The following ZNF488 variants were observed in gnomAD, a reference collection of about 807,000 sequenced individuals.
The protein encoded by ZNF488 is zinc finger protein 488.
ZNF488 carries 1 observed loss-of-function variant against 1.2 expected under a neutral mutation model. That is an observed-to-expected ratio of 0.86 (90% confidence interval 0.30 to 4.07). ZNF488 has a LOEUF of 4.07. ZNF488 is among the 30% of genes most tolerant of loss of function. The pLI is 0.18. For synonymous variants in ZNF488, 185 were observed against 190.1 expected (o/e 0.97, Z 0.22); for missense variants, 450 against 437.9 (o/e 1.03, Z -0.25).
At chr10:47,374,737 T>C (rs1837612751) in intron 1 of ZNF488, among the ~76,000 whole-genome samples, 1 of 152,002 alleles carries the variant, frequency 6.6e-6, no homozygotes, top group Non-Finnish European at 1.5e-5. Flanking sequence ...TCCTACAAAG[T>C]CCACCACAGC....
intron 1 of ZNF488, among the ~76,000 whole-genome samples, chr10:47,376,778 T>C (rs1367075704): frequency 1.3e-5 from 2 of 152,210 alleles, no homozygotes; most frequent in Non-Finnish European, 2.9e-5. Flanking sequence ...GAGGAGCCTG[T>C]GGCCAAACTC....
At position 47,365,593 on chromosome 10, in the gene ZNF488, G is replaced by C. The variant is rs1555212684; in HGVS notation, c.*2214C>G. On this transcript the variant is annotated 3_prime_UTR_variant, in exon 2 of 2. Transcript: ENST00000585316. ...ACAAACCAATCTCTGTTCCCAAGGAGCTGACAGTGTGGAGGCAGCAAATCA... is the reference window on the plus strand; with the variant it reads ...ACAAACCAATCTCTGTTCCCAAGGACCTGACAGTGTGGAGGCAGCAAATCA... 2 of 167,180 alleles carry C rather than the reference G, an allele frequency of 1.2e-5. No homozygotes were observed. Among genetic ancestry groups the C allele is most frequent in the East Asian group, 3.8e-4 (2 of 5,196 alleles). 10.4% of individuals were successfully genotyped at this position (167,180 alleles called of 1,614,324 possible). A position where few individuals can be genotyped will look rare whatever the true frequency, so the allele number is the denominator to read the frequency against.
rs1837211927 is a variant in ZNF488, at chr10:47,366,237, G to A, written c.*1570C>T. 6.0e-6 allele frequency: 1 copy of A among 167,154 alleles called. No individual in the cohort carries two copies. Among genetic ancestry groups the A allele is most frequent in the Non-Finnish European group, 1.5e-5 (1 of 68,200 alleles). 10.4% of individuals were successfully genotyped at this position (167,154 alleles called of 1,614,324 possible). ...TGGGGTTAGGCCTGTAAGTGTGAAG[G>A]GCAGCCACAGGGTTGGAGGCATCAT... On this transcript the variant is annotated 3_prime_UTR_variant, in exon 2 of 2. Coordinates refer to ENST00000585316, the MANE Select transcript of ZNF488 (RefSeq NM_153034.4).
chr10:47,366,287 T>G lies in ZNF488; in HGVS notation c.*1520A>C, dbSNP rs1163537232. Reference sequence around the variant, plus strand: ...TCTGAGTTACACTTTCAGAAGATTATCTGGTTGTGTGTGTGTGGACAATGG... The same window carrying G: ...TCTGAGTTACACTTTCAGAAGATTAGCTGGTTGTGTGTGTGTGGACAATGG... On this transcript the variant is annotated 3_prime_UTR_variant, in exon 2 of 2. Transcript: ENST00000585316. The G allele has an allele frequency of 2.4e-5, 4 of 167,240 alleles. No homozygotes were observed. Among genetic ancestry groups the G allele is most frequent in the Non-Finnish European group, 5.9e-5 (4 of 68,252 alleles). 10.4% of individuals were successfully genotyped at this position (167,240 alleles called of 1,614,324 possible).
intron 1 of ZNF488, among the ~76,000 whole-genome samples, chr10:47,374,046 G>A (rs574453269): frequency 2.5e-4 from 38 of 152,296 alleles, no homozygotes; most frequent in African/African-American, 8.4e-4. Context: ...GAGAAACAGC[G>A]TGGGGTGGGC....
At chr10:47,373,830 A>G (rs1276588634) in intron 1 of ZNF488, among the ~76,000 whole-genome samples, 1 of 152,256 alleles carries the variant, frequency 6.6e-6, no homozygotes, top group East Asian at 1.9e-4. Context: ...TTAACTGAAT[A>G]AACGCAGGCA....
In ZNF488 at chr10:47,371,709, G is replaced by A. The variant is rs537096707; in HGVS notation, c.-108-2772C>T. Among the ~76,000 whole-genome samples the A allele has an allele frequency of 7.2e-5, 11 of 152,190 alleles. No individual in the cohort carries two copies. In the East Asian group the frequency reaches 2.1e-3, roughly 29 times the overall value. ...TTCTGTAAGGGATTCTCACGGCCCAGTGGAGCTGAAGCCTCTGTGACTTCA... is the reference window on the plus strand; with the variant it reads ...TTCTGTAAGGGATTCTCACGGCCCAATGGAGCTGAAGCCTCTGTGACTTCA... On this transcript the variant is annotated intron_variant, in intron 1 of 1. Coordinates refer to ENST00000585316, the MANE Select transcript of ZNF488 (RefSeq NM_153034.4).
chr10:47,373,755 A>T (rs1837567186), intron 1 of ZNF488, among the ~76,000 whole-genome samples: 1 of 152,260 alleles, frequency 6.6e-6, no homozygotes, highest in African/African-American at 2.4e-5. Flanking sequence ...AGTCTTCCAT[A>T]GACGGAACAT....
rs191592951 is a variant in ZNF488 at position 47,377,035 on chromosome 10, C to T, written c.-109+7185G>A. Among the ~76,000 whole-genome samples, 178 of 152,334 alleles carry T rather than the reference C, an allele frequency of 1.2e-3. 3 individuals are homozygous for T. In the East Asian group the frequency reaches 0.027, roughly 23 times the overall value. ...CCTGCCTGGCCATAGTCAGTGTTGCCGCTATCACCTACTGGACTGTTGGTC... is the reference window on the plus strand; with the variant it reads ...CCTGCCTGGCCATAGTCAGTGTTGCTGCTATCACCTACTGGACTGTTGGTC... On this transcript the variant is annotated intron_variant, in intron 1 of 1. Transcript: ENST00000585316.
intron 1 of ZNF488, among the ~76,000 whole-genome samples, chr10:47,381,893 G>A (rs139223226): frequency 3.1e-5 from 2 of 64,662 alleles, no homozygotes; most frequent in East Asian, 5.0e-4. Context: ...AGAACAGGGA[G>A]CAGTGTTCTG....
At chr10:47,377,182 G>A (rs1837710155) in intron 1 of ZNF488, among the ~76,000 whole-genome samples, 1 of 152,208 alleles carries the variant, frequency 6.6e-6, no homozygotes, top group African/African-American at 2.4e-5. Flanking sequence ...TGACAGGAAA[G>A]GAGGAATACG....
rs1324862372 is a variant in ZNF488, at chr10:47,366,527, T to C, written c.*1280A>G. The C allele has an allele frequency of 1.2e-5, 2 of 166,898 alleles. No individual in the cohort carries two copies. Among genetic ancestry groups the C allele is most frequent in the Non-Finnish European group, 2.9e-5 (2 of 68,126 alleles). 10.3% of individuals were successfully genotyped at this position (166,898 alleles called of 1,614,324 possible). A position where few individuals can be genotyped will look rare whatever the true frequency, so the allele number is the denominator to read the frequency against. ...TCATTGGAGGGCTGGAAACTGCATA[T>C]CAAAAGAACAATATCTGACAGTGAG... On this transcript the variant is annotated 3_prime_UTR_variant, in exon 2 of 2. Coordinates refer to ENST00000585316, the MANE Select transcript of ZNF488 (RefSeq NM_153034.4).
In ZNF488 at chr10:47,366,875, A is replaced by G. The variant is rs1368540855; in HGVS notation, c.*932T>C. 1 of 167,048 alleles carries G rather than the reference A, an allele frequency of 6.0e-6. No individual in the cohort carries two copies. Among genetic ancestry groups the G allele is most frequent in the Non-Finnish European group, 1.5e-5 (1 of 68,120 alleles). The allele number at this position is 167,048 out of a possible 1,614,324, so 10.3% of individuals were successfully genotyped here. On this transcript the variant is annotated 3_prime_UTR_variant, in exon 2 of 2. Coordinates refer to ENST00000585316, the MANE Select transcript of ZNF488 (RefSeq NM_153034.4). ...ATACTCACAATGTGAAGAACTATGG[A>G]CCAGGTATTGGCTGGAATTACCTGT...
intron 1 of ZNF488, among the ~76,000 whole-genome samples, chr10:47,381,889 G>C (rs1385954377): frequency 2.7e-5 from 2 of 73,534 alleles, no homozygotes; most frequent in African/African-American, 9.2e-5. Context: ...ACATAGAACA[G>C]GGAGCAGTGT....
At chr10:47,380,347 C>T (rs1433557887) in intron 1 of ZNF488, among the ~76,000 whole-genome samples, 1 of 152,290 alleles carries the variant, frequency 6.6e-6, no homozygotes, top group African/African-American at 2.4e-5. Context: ...TCACCCACCA[C>T]TTTCAGAGCC....
At position 47,367,686 on chromosome 10, in the gene ZNF488, A is replaced by G. The variant is rs1340863373; in HGVS notation, c.*121T>C. 3 of 1,147,972 alleles carry G rather than the reference A, an allele frequency of 2.6e-6. No homozygotes were observed. The Admixed American group carries it at 7.9e-5, about 30-fold the overall frequency. 71.1% of individuals were successfully genotyped at this position (1,147,972 alleles called of 1,614,324 possible). ...CAAATTATGCCTGAGCTGTTTATCT[A>G]TGAATGCCAAAAGCAGCAGCTCTGC... On this transcript the variant is annotated 3_prime_UTR_variant, in exon 2 of 2. Coordinates refer to ENST00000585316, the MANE Select transcript of ZNF488 (RefSeq NM_153034.4).
intron 1 of ZNF488, among the ~76,000 whole-genome samples, chr10:47,375,540 G>A (rs1837648072): frequency 1.3e-5 from 2 of 152,198 alleles, no homozygotes; most frequent in Admixed American, 1.3e-4. Flanking sequence ...AGATTAAACT[G>A]AAATTTTTGT....
chr10:47,366,038 T>C lies in ZNF488; in HGVS notation c.*1769A>G, dbSNP rs919998196. The C allele has an allele frequency of 6.0e-6, 1 of 166,962 alleles. No individual in the cohort carries two copies. The highest frequency in any genetic ancestry group is 2.4e-5 in the African/African-American group (1 of 41,434). 10.3% of individuals were successfully genotyped at this position (166,962 alleles called of 1,614,324 possible). A position where few individuals can be genotyped will look rare whatever the true frequency, so the allele number is the denominator to read the frequency against. On this transcript the variant is annotated 3_prime_UTR_variant, in exon 2 of 2. Coordinates refer to ENST00000585316, the MANE Select transcript of ZNF488 (RefSeq NM_153034.4). ...TATAGCATCATCTGCAATTGACTCA[T>C]TGTAGAAATGGAAAGGAAACAGCTC...
In ZNF488 at chr10:47,367,640, A is replaced by G; in HGVS notation, c.*167T>C. On this transcript the variant is annotated 3_prime_UTR_variant, in exon 2 of 2. Coordinates refer to ENST00000585316, the MANE Select transcript of ZNF488 (RefSeq NM_153034.4). ...CAGGACTTCATTTCCTTCAAAACAC[A>G]TCATGCAGGTGTGGCTTTTTCAAAT... 2 of 762,000 alleles carry G rather than the reference A, an allele frequency of 2.6e-6. No individual in the cohort carries two copies. Among genetic ancestry groups the G allele is most frequent in the Non-Finnish European group, 4.2e-6 (2 of 473,324 alleles). 47.2% of individuals were successfully genotyped at this position (762,000 alleles called of 1,614,324 possible).
Sources: gnomAD v4.1 joint callset for allele counts (sites outside exome capture counted in the v4.1 genomes callset) on GRCh38, gnomAD v4.1.1 for gene constraint, MANE v1.5 for transcripts, NCBI Gene and HGNC (gene_info 2026-07-23, HGNC 2026-07-21) for gene names.